The following CNBD1 variants were observed in gnomAD, a reference collection of about 807,000 sequenced individuals.
The protein encoded by CNBD1 is cyclic nucleotide-binding domain-containing protein 1.
A neutral mutation model predicts 54.4 loss-of-function variants in CNBD1; 71 were observed. The observed-to-expected ratio is 1.30, with a 90% CI of 1.08 to 1.59. The LOEUF is 1.59. Among genes scored for constraint, CNBD1 ranks in the 40% most tolerant of loss-of-function variants. The probability of loss-of-function intolerance (pLI) is 0.00; values close to 1 mark genes in which losing one functional copy is unlikely to be tolerated. For missense variants in CNBD1, 659 were observed against 518.0 expected (o/e 1.27, Z -2.64); for synonymous variants, 182 against 170.7 (o/e 1.07, Z -0.51).
chr8:87,026,496 TA>T (rs1419046023), intron 4 of CNBD1, among the ~76,000 whole-genome samples: 2 of 152,192 alleles, frequency 1.3e-5, no homozygotes, highest in African/African-American at 4.8e-5. Flanking sequence ...AAATCTATTC[TA>T]AATTCTGCCT....
At chr8:87,406,194 G>C (rs1043031154) in intron 2 of CNBD1, among the ~76,000 whole-genome samples, 1 of 151,908 alleles carries the variant, frequency 6.6e-6, no homozygotes, top group Non-Finnish European at 1.5e-5. Flanking sequence ...CTAAGCCATT[G>C]AGTCCAATCT....
In CNBD1 at chr8:86,941,898, C is replaced by T. The variant is rs1182243841; in HGVS notation, c.431+2144C>T. ...TCAGTTTCCAGAACCCACTTCCTCACTCATGTGTGAGAAAATGGATGAGTA... is the reference window on the plus strand; with the variant it reads ...TCAGTTTCCAGAACCCACTTCCTCATTCATGTGTGAGAAAATGGATGAGTA... On this transcript the variant is annotated intron_variant, in intron 4 of 10. Transcript: ENST00000518476. Among the ~76,000 whole-genome samples, 3 of 152,166 alleles carry T rather than the reference C, an allele frequency of 2.0e-5. No homozygotes were observed. In the South Asian group the frequency reaches 6.2e-4, roughly 32 times the overall value.
chr8:87,046,206 C>T (rs1216836302), intron 4 of CNBD1, among the ~76,000 whole-genome samples: 1 of 152,086 alleles, frequency 6.6e-6, no homozygotes, highest in Non-Finnish European at 1.5e-5. Flanking sequence ...CTTGTTGCAT[C>T]ATAATAGAGA....
chr8:86,996,023 T>A (rs1008380797), intron 4 of CNBD1, among the ~76,000 whole-genome samples: 1 of 152,152 alleles, frequency 6.6e-6, no homozygotes, highest in South Asian at 2.1e-4. Flanking sequence ...CCAGTCTAAT[T>A]TTATTTGCTC....
intron 10 of CNBD1, among the ~76,000 whole-genome samples, chr8:87,355,366 G>C (rs993214420): frequency 1.3e-5 from 2 of 151,902 alleles, no homozygotes; most frequent in Non-Finnish European, 2.9e-5. Flanking sequence ...TATGTTTTTG[G>C]TTCAGGTCAA....
intron 8 of CNBD1, among the ~76,000 whole-genome samples, chr8:87,328,993 C>G (rs934993628): frequency 1.4e-4 from 22 of 152,026 alleles, no homozygotes; most frequent in African/African-American, 5.3e-4. Context: ...GATTTTCTAT[C>G]TTCTAGGAGT....
rs1358944883 is a variant in CNBD1 at position 87,131,777 on chromosome 8, AT to A, written c.432-74215del. Among the ~76,000 whole-genome samples, 11 of 152,004 alleles carry A rather than the reference AT, an allele frequency of 7.2e-5. No individual in the cohort carries two copies. In the East Asian group the frequency reaches 1.2e-3, roughly 16 times the overall value. On this transcript the variant is annotated intron_variant, in intron 4 of 10. Coordinates refer to ENST00000518476, the MANE Select transcript of CNBD1 (RefSeq NM_173538.3). ...ATGTGTTATCAAATTATGAAAAAAA[AT>A]AATTGTGTTTAACCACCTCAACTCA...
intron 4 of CNBD1, among the ~76,000 whole-genome samples, chr8:86,955,594 C>G (rs749057784): frequency 1.6e-4 from 24 of 151,884 alleles, no homozygotes; most frequent in Non-Finnish European, 2.6e-4. Flanking sequence ...TGATGATGAG[C>G]AGTTTTTCAT....
At chr8:87,391,771 C>T (rs1337161516) in intron 2 of CNBD1, among the ~76,000 whole-genome samples, 3 of 151,840 alleles carry the variant, frequency 2.0e-5, no homozygotes, top group Non-Finnish European at 4.4e-5. Flanking sequence ...ATCTTTGTGA[C>T]CTTGGGTAAA....
At chr8:86,869,479 A>C (rs978479836) in intron 1 of CNBD1, among the ~76,000 whole-genome samples, 1 of 152,186 alleles carries the variant, frequency 6.6e-6, no homozygotes, top group Non-Finnish European at 1.5e-5. Flanking sequence ...ACCCTCCTCC[A>C]CTGCTATCTT....
chr8:87,226,968 T>A (rs925395932), intron 5 of CNBD1, among the ~76,000 whole-genome samples: 2 of 151,782 alleles, frequency 1.3e-5, no homozygotes, highest in African/African-American at 4.9e-5. Context: ...CTCTTCTTGT[T>A]GAATTGATCC....
intron 4 of CNBD1, among the ~76,000 whole-genome samples, chr8:87,129,409 T>G (rs911963982): frequency 2.6e-5 from 4 of 152,114 alleles, no homozygotes; most frequent in African/African-American, 9.6e-5. Context: ...GGTTATTGAT[T>G]TTTTTCTGGA....
chr8:86,975,993 A>AT (rs1279741860), intron 4 of CNBD1, among the ~76,000 whole-genome samples: 1 of 151,634 alleles, frequency 6.6e-6, no homozygotes, highest in Non-Finnish European at 1.5e-5. Context: ...AATGCTGAAT[A>AT]TTTTTTTCAT....
At position 87,253,581 on chromosome 8, in the gene CNBD1, A is replaced by G. The variant is rs538944137; in HGVS notation, c.771+16469A>G. Among the ~76,000 whole-genome samples the G allele has an allele frequency of 4.6e-5, 7 of 152,274 alleles. No individual in the cohort carries two copies. In the East Asian group the frequency reaches 1.4e-3, roughly 29 times the overall value. ...TTCTTCATTCGTTCTCATAGTACCC[A>G]AGTGCCATGTGGTATCTCTTTTCTG... On this transcript the variant is annotated intron_variant, in intron 6 of 10. Transcript: ENST00000518476.
At chr8:86,963,164 G>A (rs1406157280) in intron 4 of CNBD1, among the ~76,000 whole-genome samples, 2 of 152,134 alleles carry the variant, frequency 1.3e-5, no homozygotes, top group Non-Finnish European at 1.5e-5. Context: ...ACCTGTGCAG[G>A]TGCTGACCAT....
At chr8:87,228,789 G>A (rs1018538458) in intron 5 of CNBD1, among the ~76,000 whole-genome samples, 15 of 152,220 alleles carry the variant, frequency 9.9e-5, no homozygotes, top group South Asian at 2.1e-4. Context: ...CTTCCAGGCT[G>A]TGTTGTTTAC....
intron 4 of CNBD1, among the ~76,000 whole-genome samples, chr8:87,156,967 A>G (rs1004433640): frequency 2.6e-5 from 4 of 152,198 alleles, no homozygotes; most frequent in African/African-American, 9.6e-5. Flanking sequence ...TGATTATTAA[A>G]TAAATTAGCA....
At chr8:87,424,329 G>A (rs972038422) in intron 2 of CNBD1, among the ~76,000 whole-genome samples, 3 of 151,986 alleles carry the variant, frequency 2.0e-5, no homozygotes, top group Non-Finnish European at 4.4e-5. Context: ...TTTTGAATGT[G>A]TTTGCTCGTG....
At chr8:87,031,220 A>G (rs1353754805) in intron 4 of CNBD1, among the ~76,000 whole-genome samples, 1 of 151,912 alleles carries the variant, frequency 6.6e-6, no homozygotes, top group African/African-American at 2.4e-5. Context: ...TTAAGGATGG[A>G]AAAATGGTGA....
Sources: allele counts gnomAD v4.1 joint callset (sites outside exome capture counted in the v4.1 genomes callset), GRCh38; gene constraint gnomAD v4.1.1; transcripts MANE v1.5; gene names NCBI Gene and HGNC (gene_info 2026-07-23, HGNC 2026-07-21).